CENPT: variants seen among roughly 807,000 people sequenced by gnomAD.
CENPT encodes the protein centromere protein T, also known as interphase centromere complex protein 22.
Under a neutral mutation model 59.7 loss-of-function variants are expected in CENPT, and 42 were observed. The observed-to-expected ratio is 0.70, with a 90% confidence interval of 0.55 to 0.91. The LOEUF is 0.91. CENPT is among the 40% of genes least tolerant of loss of function. The pLI is 0.00. For synonymous variants in CENPT, 295 were observed against 289.6 expected, an observed-to-expected ratio of 1.02 and a Z score of -0.19; for missense variants, 716 against 713.4, an observed-to-expected ratio of 1.00 and a Z score of -0.04.
At position 67,829,547 on chromosome 16, in the gene CENPT, T is replaced by TCCCAGGCC. The variant is rs1214029456; in HGVS notation, c.1187-32_1187-31insGGCCTGGG. The TCCCAGGCC allele has an allele frequency of 1.7e-5, 27 of 1,566,344 alleles. 1 individual carries two copies. The highest frequency in any genetic ancestry group is 2.3e-5 in the Non-Finnish European group (27 of 1,151,428). On this transcript the variant is annotated intron_variant, in intron 12 of 15. Transcript: ENST00000562787. ...AAGAAGAAGGGTGGGGTCACAGGGA[T>TCCCAGGCC]TCCAGGCCTGACCATCTCACCCAGG...
At chr16:67,845,745 G>T (rs1161283531) in intron 1 of CENPT, among the ~76,000 whole-genome samples, 1 of 152,270 alleles carries the variant, frequency 6.6e-6, no homozygotes, top group Non-Finnish European at 1.5e-5. Context: ...GAGCAAGGGA[G>T]ATCCCAGATG....
Position 67,842,304 on chromosome 16 carries a change from C to T in CENPT, c.-492+5097G>A, listed in dbSNP as rs970930298. The T allele has an allele frequency of 1.8e-5, 3 of 169,410 alleles. No homozygotes were observed. Among genetic ancestry groups the T allele is most frequent in the Non-Finnish European group, 3.7e-5 (3 of 80,086 alleles). 10.5% of individuals were successfully genotyped at this position (169,410 alleles called of 1,614,324 possible). ...GGGCGTAGTCTCTTTCTCAGGCGGT[C>T]CTTCGCGGCGTCCCCGGGGCCCACT... On this transcript the variant is annotated intron_variant, in intron 1 of 15. Coordinates refer to ENST00000562787, the MANE Select transcript of CENPT (RefSeq NM_025082.4). This position sits in a 1 kb window ranked among gnomAD's most constrained non-coding sequence, Gnocchi z 4.9.
At chr16:67,833,505 G>C (rs1327222618) in intron 4 of CENPT, among the ~76,000 whole-genome samples, 1 of 152,252 alleles carries the variant, frequency 6.6e-6, no homozygotes, top group Non-Finnish European at 1.5e-5. Context: ...CCTGGGGGCA[G>C]GGGCACAAAC....
rs2057668072 is a variant in CENPT at position 67,829,957 on chromosome 16, C to T, written c.994G>A (p.Glu332Lys). The change falls in exon 12 of 16, where the codon GAG (glutamate) becomes AAG (lysine). Residue 332 changes from glutamate to lysine, a missense_variant. Transcript: ENST00000562787. Reference sequence around the variant, plus strand: ...TCTTCTTCCATCTTTTTCTCTGCCTCTTCAACTCCATCGTGTAAGGGCTCT... The same window carrying T: ...TCTTCTTCCATCTTTTTCTCTGCCTTTTCAACTCCATCGTGTAAGGGCTCT... ...EVEPLHDGVE[E>K]AEKKMEEEGV... 1 of 1,614,234 alleles carries T rather than the reference C, an allele frequency of 6.2e-7. No individual in the cohort carries two copies. The highest frequency in any genetic ancestry group is 8.5e-7 in the Non-Finnish European group (1 of 1,180,038).
chr16:67,842,968 CACTGCCCAG>C lies in CENPT; in HGVS notation c.-492+4424_-492+4432del, dbSNP rs368666568. 3.1e-5 allele frequency: 50 copies of C among 1,608,022 alleles called. No individual in the cohort carries two copies. In the Middle Eastern group the frequency reaches 4.9e-4, roughly 16 times the overall value. On this transcript the variant is annotated intron_variant, in intron 1 of 15. Transcript: ENST00000562787. This position sits in a 1 kb window ranked among gnomAD's most constrained non-coding sequence, Gnocchi z 4.9. ...AGCAGCAGTCCTCACCCTCTGCCTCCACTGCCCAGACTGCCCAGCTGCAGCCGAACCTGG... is the reference window on the plus strand; with the variant it reads ...AGCAGCAGTCCTCACCCTCTGCCTCCACTGCCCAGCTGCAGCCGAACCTGG...
chr16:67,841,944 G>A (rs1157368852), intron 1 of CENPT: 1 of 152,482 alleles, frequency 6.6e-6, no homozygotes, highest in East Asian at 1.9e-4. Context: ...GCAGTAACTC[G>A]ATCTTTCCCT....
At chr16:67,838,932 C>CAA (rs58802560) in intron 1 of CENPT, among the ~76,000 whole-genome samples, 94 of 86,064 alleles carry the variant, frequency 1.1e-3, no homozygotes, top group African/African-American at 2.9e-3. Flanking sequence ...GACTCTGTCT[C>CAA]AAAAAAAAAA....
At chr16:67,829,370 CCCAATG>C (rs1660037835) in intron 13 of CENPT, 47 bp downstream of exon 13, 1 of 1,414,678 alleles carries the variant, frequency 7.1e-7, no homozygotes, top group African/African-American at 1.4e-5. Flanking sequence ...ACACAGCATA[CCCAATG>C]CTCCCTTCCC....
At chr16:67,838,349 C>T (rs1484392530) in intron 1 of CENPT, among the ~76,000 whole-genome samples, 4 of 152,106 alleles carry the variant, frequency 2.6e-5, no homozygotes, top group South Asian at 2.1e-4. Context: ...TGGCCAGGCA[C>T]GGTGGTTCAT....
At position 67,845,009 on chromosome 16, in the gene CENPT, G is replaced by C. The variant is rs148731248; in HGVS notation, c.-492+2392C>G. Among the ~76,000 whole-genome samples the C allele has an allele frequency of 6.6e-3, 1,003 of 152,062 alleles. 12 individuals are homozygous for C. The highest frequency in any genetic ancestry group is 0.022 in the African/African-American group (907 of 41,478). On this transcript the variant is annotated intron_variant, in intron 1 of 15. Coordinates refer to ENST00000562787, the MANE Select transcript of CENPT (RefSeq NM_025082.4). Reference sequence around the variant, plus strand: ...TCACCATGTTGGCCAGGCTGGTCTCGAGCTCCTGATCTCAGGTGATCCGCC... The same window carrying C: ...TCACCATGTTGGCCAGGCTGGTCTCCAGCTCCTGATCTCAGGTGATCCGCC...
chr16:67,831,351 T>G lies in CENPT; in HGVS notation c.568A>C (p.Asn190His), dbSNP rs1420829591. Residue 190 changes from asparagine to histidine, a missense_variant, in exon 10 of 16, where the codon AAC becomes CAC. By Grantham distance (68) the Asn-to-His change is moderately conservative (BLOSUM62 1). Coordinates refer to ENST00000562787, the MANE Select transcript of CENPT (RefSeq NM_025082.4). ...ADASSLTRSL[N>H]LTFATPLQPQ... is the part of the protein sequence containing the mutation. ...TGAAGAGGTGTGGCAAAGGTCAGGTTGAGGGATCTGGTGAGGTGGGGAGGC... is the reference window on the plus strand; with the variant it reads ...TGAAGAGGTGTGGCAAAGGTCAGGTGGAGGGATCTGGTGAGGTGGGGAGGC... 1.2e-6 allele frequency: 2 copies of G among 1,613,564 alleles called. No individual in the cohort carries two copies. Among genetic ancestry groups the G allele is most frequent in the African/African-American group, 2.7e-5 (2 of 74,912 alleles).
rs1257513695 is a variant in CENPT at position 67,834,136 on chromosome 16, C to T, written c.-241-36G>A. ...AGGTTGATACCCACCTGATAAGGAG[C>T]TTGTAATGATTCAAGGAGTTGATGT... On this transcript the variant is annotated intron_variant, in intron 3 of 15. Coordinates refer to ENST00000562787, the MANE Select transcript of CENPT (RefSeq NM_025082.4). The T allele has an allele frequency of 1.3e-5, 5 of 372,768 alleles. No individual in the cohort carries two copies. In the South Asian group the frequency reaches 2.1e-4, roughly 16 times the overall value. 23.1% of individuals were successfully genotyped at this position (372,768 alleles called of 1,614,324 possible). A position where few individuals can be genotyped will look rare whatever the true frequency, so the allele number is the denominator to read the frequency against.
chr16:67,831,223 A>G lies in CENPT; in HGVS notation c.696T>C (p.Ala232=). Residue 232 remains alanine, a synonymous_variant, in exon 10 of 16, where the codon GCT becomes GCC. Coordinates refer to ENST00000562787, the MANE Select transcript of CENPT (RefSeq NM_025082.4). ...FLRDLRDTSL[A]PPNIVLEDTQ... Reference sequence around the variant, plus strand: ...GGGAAAACCCAACCTTACTTGGAGGAGCCAGGGAAGTATCTCGCAGATCCC... The same window carrying G: ...GGGAAAACCCAACCTTACTTGGAGGGGCCAGGGAAGTATCTCGCAGATCCC... 1.2e-6 allele frequency: 2 copies of G among 1,613,956 alleles called. No homozygotes were observed. Among genetic ancestry groups the G allele is most frequent in the Non-Finnish European group, 1.7e-6 (2 of 1,179,992 alleles).
At chr16:67,832,340 A>C (rs765794727) in intron 5 of CENPT, 25 bp from the exon 6 acceptor site, 1 of 1,613,258 alleles carries the variant, frequency 6.2e-7, no homozygotes, top group Non-Finnish European at 8.5e-7. Context: ...CCAAGCAACC[A>C]GTCTGTCCGT....
chr16:67,838,149 G>A (rs1343499471), intron 1 of CENPT, among the ~76,000 whole-genome samples: 2 of 152,104 alleles, frequency 1.3e-5, no homozygotes, highest in African/African-American at 4.8e-5. Flanking sequence ...GATGACAGGT[G>A]ATTTTATGTA....
chr16:67,830,422 G>A lies in CENPT; in HGVS notation c.830C>T (p.Thr277Ile), dbSNP rs2057674791. The change falls in exon 11 of 16, where the codon ACA becomes ATA. Residue 277 changes from threonine (T) to isoleucine (I), a missense_variant. Transcript: ENST00000562787. The part of the protein sequence containing the change: ...EDAEQAAGRK[T>I]QSSGPGLQKN... Reference sequence around the variant, plus strand: ...CTGCAGCCCAGGCCCACTGCTCTGTGTCTTGCGACCGGCAGCCTGCTCAGC... The same window carrying A: ...CTGCAGCCCAGGCCCACTGCTCTGTATCTTGCGACCGGCAGCCTGCTCAGC... 1 of 1,613,830 alleles carries A rather than the reference G, an allele frequency of 6.2e-7. No individual in the cohort carries two copies.
chr16:67,834,704 G>A (rs541947302), intron 3 of CENPT, among the ~76,000 whole-genome samples: 2 of 152,168 alleles, frequency 1.3e-5, no homozygotes, highest in Non-Finnish European at 2.9e-5. Context: ...AGGCTCCAAG[G>A]CTAATAGGCT....
chr16:67,834,154 GTTGATGT>G (rs1344816483), intron 3 of CENPT, 54 bp from the exon 4 acceptor site: 6 of 333,482 alleles, frequency 1.8e-5, no homozygotes, highest in Admixed American at 1.5e-4. Context: ...GATTCAAGGA[GTTGATGT>G]TTAACTCAGA....
intron 4 of CENPT, 44 bp downstream of exon 4, chr16:67,833,706 G>C (rs1269566742): frequency 8.1e-7 from 1 of 1,234,398 alleles, no homozygotes; most frequent in African/African-American, 1.6e-5. Flanking sequence ...CCCACTCCCC[G>C]GTCCCTCTAG....
Sources: allele counts gnomAD v4.1 joint callset (sites outside exome capture counted in the v4.1 genomes callset), GRCh38; gene constraint gnomAD v4.1.1; non-coding constraint Gnocchi (gnomAD v3.1); transcripts MANE v1.5; gene names NCBI Gene and HGNC (gene_info 2026-07-23, HGNC 2026-07-21).